The following MPRIP variants were observed in gnomAD, a reference collection of about 807,000 sequenced individuals.
The protein encoded by MPRIP is myosin phosphatase Rho interacting protein, also known as myosin phosphatase Rho-interacting protein.
MPRIP carries 59 observed loss-of-function variants against 234.9 expected under a neutral mutation model. The ratio of observed to expected loss-of-function variants is 0.25; its 90% CI spans 0.20 to 0.31. The LOEUF (loss-of-function observed/expected upper bound fraction) is 0.31, where lower values mean the gene tolerates loss of function less well. Ranked by LOEUF, MPRIP falls within the 10% of genes least tolerant of loss-of-function variation. The pLI, the probability that MPRIP is intolerant of heterozygous loss-of-function variation, is 1.00. For synonymous variants in MPRIP, 1,144 were observed against 1,263.9 expected (o/e 0.91, Z 2.01); for missense variants, 2,436 against 3,071.0 (o/e 0.79, Z 4.89).
At chr17:17,169,765 A>T (rs1484857565) in intron 16 of MPRIP, among the ~76,000 whole-genome samples, 1 of 152,222 alleles carries the variant, frequency 6.6e-6, no homozygotes, top group Non-Finnish European at 1.5e-5. Context: ...GTCGTTGGGG[A>T]CAGGGTCTTG....
intron 1 of MPRIP, among the ~76,000 whole-genome samples, chr17:17,066,074 A>C (rs1452460871): frequency 6.6e-6 from 1 of 152,202 alleles, no homozygotes; most frequent in Non-Finnish European, 1.5e-5. Flanking sequence ...ACAGACAGCT[A>C]TGTCATCTGT....
chr17:17,132,935 A>G (rs1485590767), intron 5 of MPRIP, among the ~76,000 whole-genome samples: 4 of 152,238 alleles, frequency 2.6e-5, no homozygotes, highest in African/African-American at 7.2e-5. Flanking sequence ...CACAGGCAGA[A>G]TAACAGCGTT....
intron 3 of MPRIP, among the ~76,000 whole-genome samples, chr17:17,089,430 T>C (rs1221452139): frequency 6.6e-6 from 1 of 152,236 alleles, no homozygotes; most frequent in Non-Finnish European, 1.5e-5. Flanking sequence ...CATTTTCCTC[T>C]GCCTCCCTCT....
chr17:17,096,009 A>T (rs1597796016), intron 3 of MPRIP, among the ~76,000 whole-genome samples: 1 of 149,752 alleles, frequency 6.7e-6, no homozygotes. Context: ...CCCCACACAC[A>T]CTTTATGGTC....
chr17:17,136,533 C>A, intron 6 of MPRIP, 83 bp downstream of exon 6: 1 of 1,340,472 alleles, frequency 7.5e-7, no homozygotes, highest in Non-Finnish European at 1.0e-6. Flanking sequence ...CAGCCAAGGC[C>A]TGTAGAGCCC....
intron 7 of MPRIP, chr17:17,141,666 G>GAGA (rs2090821795): frequency 6.6e-6 from 1 of 152,276 alleles, no homozygotes; most frequent in Non-Finnish European, 1.5e-5. Context: ...CTTCCTTGTG[G>GAGA]AGATAATTAG....
intron 1 of MPRIP, among the ~76,000 whole-genome samples, chr17:17,054,874 A>G (rs976953722): frequency 1.3e-5 from 2 of 151,642 alleles, no homozygotes; most frequent in African/African-American, 2.4e-5. Context: ...AGACAGGGAA[A>G]CCCTGTCTCT....
intron 3 of MPRIP, among the ~76,000 whole-genome samples, chr17:17,125,854 G>A (rs938570280): frequency 6.6e-6 from 1 of 152,216 alleles, no homozygotes; most frequent in African/African-American, 2.4e-5. Context: ...GCCAGCAGCT[G>A]TCCATTAGTG....
At chr17:17,049,895 A>G (rs2088478659) in intron 1 of MPRIP, among the ~76,000 whole-genome samples, 1 of 152,358 alleles carries the variant, frequency 6.6e-6, no homozygotes, top group East Asian at 1.9e-4. Context: ...ACGTTAAAAA[A>G]GTAAAAAGAG....
At chr17:17,106,851 A>G (rs957607668) in intron 3 of MPRIP, among the ~76,000 whole-genome samples, 3 of 152,204 alleles carry the variant, frequency 2.0e-5, no homozygotes, top group African/African-American at 7.2e-5. Context: ...AAGCTCCCAT[A>G]ACAAGTTGGA....
At chr17:17,180,709 C>T in intron 23 of MPRIP, 2 of 1,557,106 alleles carry the variant, frequency 1.3e-6, no homozygotes, top group Admixed American at 1.7e-5. Flanking sequence ...ACTGCTCACA[C>T]CCCCATGGCA....
At chr17:17,057,917 A>G in intron 1 of MPRIP, 2 of 525,250 alleles carry the variant, frequency 3.8e-6, no homozygotes, top group South Asian at 5.7e-5. Flanking sequence ...CATTTACAAT[A>G]TAAATCTAAA....
At chr17:17,112,978 C>T (rs1362618906) in intron 3 of MPRIP, among the ~76,000 whole-genome samples, 5 of 152,196 alleles carry the variant, frequency 3.3e-5, no homozygotes, top group South Asian at 2.1e-4. Context: ...AGCGGTCCTC[C>T]GAGCTCAGAC....
chr17:17,121,844 G>T (rs1368516213), intron 3 of MPRIP, among the ~76,000 whole-genome samples: 1 of 152,082 alleles, frequency 6.6e-6, no homozygotes, highest in African/African-American at 2.4e-5. Flanking sequence ...CCCAGTGTGT[G>T]TTGTTTCTCT....
In MPRIP at chr17:17,177,423, G is replaced by A. The variant is rs201774407; in HGVS notation, c.7120+11G>A. 6.8e-6 allele frequency: 11 copies of A among 1,610,966 alleles called. No homozygotes were observed. The highest frequency in any genetic ancestry group is 1.7e-4 in the Middle Eastern group (1 of 6,044). ...CGGTGTCCGGATATGGTGCGTCCTC[G>A]GGTCATGCCCTCTCGGTTATTGCTG... is the stretch of plus-strand genomic sequence containing the variant. On this transcript the variant is annotated intron_variant, in intron 22 of 23. Coordinates refer to ENST00000651222, the MANE Select transcript of MPRIP (RefSeq NM_001364716.4).
rs573427184 is a variant in MPRIP, at chr17:17,126,803, G to A, written c.369G>A (p.Thr123=). The change falls in exon 4 of 24, where the codon ACG becomes ACA. Residue 123 remains threonine, a synonymous_variant. Transcript: ENST00000651222. ...AGAAGTTCTCCCTGTGTATTCTGACGCCTGAGAAGGAGCATTTCATCCGGG... is the reference window on the plus strand; with the variant it reads ...AGAAGTTCTCCCTGTGTATTCTGACACCTGAGAAGGAGCATTTCATCCGGG... The part of the protein sequence containing the change: ...TGQKFSLCIL[T]PEKEHFIRAE... The A allele has an allele frequency of 1.2e-4, 201 of 1,614,098 alleles. No individual in the cohort carries two copies. The highest frequency in any genetic ancestry group is 1.6e-4 in the Non-Finnish European group (188 of 1,180,032).
At chr17:17,083,877 G>A (rs2089523922) in intron 3 of MPRIP, among the ~76,000 whole-genome samples, 1 of 152,146 alleles carries the variant, frequency 6.6e-6, no homozygotes, top group African/African-American at 2.4e-5. Context: ...CCGAGTAGCT[G>A]GAACTACAGG....
At chr17:17,104,610 G>T (rs376931025) in intron 3 of MPRIP, among the ~76,000 whole-genome samples, 1 of 152,170 alleles carries the variant, frequency 6.6e-6, no homozygotes, top group Non-Finnish European at 1.5e-5. Context: ...TCCCCTGGCT[G>T]CTAGCAGAGT....
Position 17,145,633 on chromosome 17 carries a change from C to T in MPRIP, c.1504-403C>T, listed in dbSNP as rs529910447. On this transcript the variant is annotated intron_variant, in intron 9 of 23. Transcript: ENST00000651222. ...AGGCTTCCTGTGGCTTCTGCAAGAA[C>T]TTTTGAATCAATTCTCCTTTCAGCC... is the stretch of plus-strand genomic sequence containing the variant. Among the ~76,000 whole-genome samples, 5 of 152,380 alleles carry T rather than the reference C, an allele frequency of 3.3e-5. No homozygotes were observed. In the South Asian group the frequency reaches 1.0e-3, roughly 32 times the overall value.
Sources: allele counts gnomAD v4.1 joint callset (sites outside exome capture counted in the v4.1 genomes callset), GRCh38; gene constraint gnomAD v4.1.1; transcripts MANE v1.5; gene names NCBI Gene and HGNC (gene_info 2026-07-23, HGNC 2026-07-21).